Variants in SNX2 observed in about 807,000 individuals in gnomAD.
SNX2 encodes the protein sorting nexin-2.
A neutral mutation model predicts 69.9 loss-of-function variants in SNX2; 25 were observed. That is an observed-to-expected ratio of 0.36 (90% CI 0.26 to 0.50). The LOEUF (loss-of-function observed/expected upper bound fraction) is 0.50, where lower values mean the gene tolerates loss of function less well. SNX2 is among the 20% of genes least tolerant of loss of function. SNX2 has a pLI of 0.97. For missense variants in SNX2, 551 were observed against 613.3 expected (o/e 0.90, Z 1.07); for synonymous variants, 229 against 200.4 (o/e 1.14, Z -1.20).
At chr5:122,778,298 C>T (rs1752898105) in intron 1 of SNX2, among the ~76,000 whole-genome samples, 3 of 152,258 alleles carry the variant, frequency 2.0e-5, no homozygotes, top group East Asian at 1.9e-4. Context: ...GCACAGATAT[C>T]GCCAACATAT....
At chr5:122,810,151 A>G (rs1410979971) in intron 7 of SNX2, among the ~76,000 whole-genome samples, 5 of 150,688 alleles carry the variant, frequency 3.3e-5, no homozygotes, top group Non-Finnish European at 4.4e-5. Flanking sequence ...TCAGGGTTAA[A>G]TGGATTAAGG....
upstream of SNX2, chr5:122,775,030 C>T: frequency 7.2e-7 from 1 of 1,392,172 alleles, no homozygotes; most frequent in Non-Finnish European, 9.5e-7. Flanking sequence ...GGCGGGTCGG[C>T]GCGGGCCCAG....
At chr5:122,800,857 A>G (rs1753490579) in intron 3 of SNX2, among the ~76,000 whole-genome samples, 4 of 152,174 alleles carry the variant, frequency 2.6e-5, no homozygotes, top group Admixed American at 2.0e-4. Context: ...AAGTTGAATA[A>G]TCTCTGAACT....
chr5:122,799,647 TTTGC>T, intron 2 of SNX2, 41 bp from the exon 3 acceptor site: 1 of 1,468,624 alleles, frequency 6.8e-7, no homozygotes. Flanking sequence ...ATATTGGGGG[TTTGC>T]TTGCCAGTGT....
In SNX2 at chr5:122,803,579, T is replaced by C. The variant is rs1185180434; in HGVS notation, c.609T>C (p.Tyr203=). 1.9e-6 allele frequency: 3 copies of C among 1,611,186 alleles called. No homozygotes were observed. The highest frequency in any genetic ancestry group is 1.3e-5 in the African/African-American group (1 of 74,838). ...KLASKYLHVG[Y]IVPPAPEKSI... ...CAAGCAAATATTTACATGTTGGTTA[T>C]ATTGTGCCACCAGCTCCAGAAAAGA... is the stretch of plus-strand genomic sequence containing the variant. Residue 203 remains tyrosine, a synonymous_variant, in exon 6 of 15, where the codon TAT becomes TAC. Transcript: ENST00000379516.
intron 11 of SNX2, among the ~76,000 whole-genome samples, chr5:122,821,697 C>G (rs139113845): frequency 6.6e-6 from 1 of 152,100 alleles, no homozygotes; most frequent in Non-Finnish European, 1.5e-5. Context: ...CCTCATGATC[C>G]GCCTGCCTCA....
chr5:122,809,166 A>G (rs1298339754), intron 7 of SNX2, among the ~76,000 whole-genome samples: 1 of 152,164 alleles, frequency 6.6e-6, no homozygotes, highest in Non-Finnish European at 1.5e-5. Flanking sequence ...TATTTCCATT[A>G]TATTAGGTAT....
intron 6 of SNX2, among the ~76,000 whole-genome samples, chr5:122,806,813 T>G (rs73797084): frequency 6.6e-6 from 1 of 152,264 alleles, no homozygotes; most frequent in African/African-American, 2.4e-5. Flanking sequence ...GTGTCTTATT[T>G]TCCTTTTGAA....
chr5:122,808,904 C>A (rs910411164), intron 7 of SNX2, among the ~76,000 whole-genome samples: 2 of 151,992 alleles, frequency 1.3e-5, no homozygotes, highest in African/African-American at 4.8e-5. Flanking sequence ...TTATTAAATA[C>A]AGTGAGAAGT....
chr5:122,789,359 C>T (rs1198558666), intron 1 of SNX2, among the ~76,000 whole-genome samples: 1 of 151,886 alleles, frequency 6.6e-6, no homozygotes, highest in Non-Finnish European at 1.5e-5. Flanking sequence ...TTAGGGGATC[C>T]CCTTCTCCAG....
chr5:122,802,859 T>A (rs1446640816), intron 5 of SNX2, among the ~76,000 whole-genome samples: 1 of 152,116 alleles, frequency 6.6e-6, no homozygotes, highest in African/African-American at 2.4e-5. Context: ...GACTTGGATG[T>A]AATGGGTGAG....
intron 1 of SNX2, among the ~76,000 whole-genome samples, 153 bp from the exon 2 acceptor site, chr5:122,795,113 C>T (rs998189557): frequency 1.3e-5 from 2 of 152,102 alleles, no homozygotes; most frequent in African/African-American, 2.4e-5. Context: ...GTTATTAGTT[C>T]ATTCTTACTC....
In SNX2 at chr5:122,829,808, A is replaced by ACACT; in HGVS notation, c.*162_*165dup. ...CACACACACACACACACACACACAC[A>ACACT]CACTCTGACATTTTATTACAAGCTG... On this transcript the variant is annotated 3_prime_UTR_variant, in exon 15 of 15. Transcript: ENST00000379516. 1 of 534,680 alleles carries ACACT rather than the reference A, an allele frequency of 1.9e-6. No homozygotes were observed. 33.1% of individuals were successfully genotyped at this position (534,680 alleles called of 1,614,324 possible). A position where few individuals can be genotyped will look rare whatever the true frequency, so the allele number is the denominator to read the frequency against.
rs539553591 is a variant in SNX2, at chr5:122,831,652, C to T, written c.*2004C>T. Among the ~76,000 whole-genome samples the T allele has an allele frequency of 3.9e-5, 6 of 152,178 alleles. No individual in the cohort carries two copies. In the East Asian group the frequency reaches 1.2e-3, roughly 29 times the overall value. The stretch of plus-strand genomic sequence containing the variant: ...TATATCAGATGCTATCTTGTTGCTC[C>T]ATTAATATTGAGCAAAAGATAGGCT... On this transcript the variant is annotated 3_prime_UTR_variant, in exon 15 of 15. Transcript: ENST00000379516.
At chr5:122,809,266 A>G (rs1753717343) in intron 7 of SNX2, among the ~76,000 whole-genome samples, 1 of 152,126 alleles carries the variant, frequency 6.6e-6, no homozygotes, top group South Asian at 2.1e-4. Context: ...GGATTTGAAC[A>G]TTTGCAGATT....
At chr5:122,793,835 C>T (rs1753305881) in intron 1 of SNX2, among the ~76,000 whole-genome samples, 1 of 151,568 alleles carries the variant, frequency 6.6e-6, no homozygotes, top group Non-Finnish European at 1.5e-5. Context: ...ATCGCTTGAA[C>T]CCGGGAAGCA....
chr5:122,792,606 A>G (rs1753269693), intron 1 of SNX2, among the ~76,000 whole-genome samples: 1 of 152,112 alleles, frequency 6.6e-6, no homozygotes, highest in Non-Finnish European at 1.5e-5. Flanking sequence ...TCAAAAAAAA[A>G]AAAAAAATTG....
chr5:122,780,571 C>CT (rs761877253), intron 1 of SNX2, among the ~76,000 whole-genome samples: 1,565 of 133,266 alleles, frequency 0.012, 28 homozygotes, highest in South Asian at 0.022. Context: ...CTTTTCTTTT[C>CT]TTTTCTTTTT....
intron 3 of SNX2, 87 bp from the exon 4 acceptor site, chr5:122,801,782 T>C: frequency 1.2e-6 from 1 of 841,870 alleles, no homozygotes; most frequent in Non-Finnish European, 1.9e-6. Flanking sequence ...ACAGTGACTC[T>C]TACAGAAAAT....
Sources: gnomAD v4.1 joint callset for allele counts (sites outside exome capture counted in the v4.1 genomes callset) on GRCh38, gnomAD v4.1.1 for gene constraint, MANE v1.5 for transcripts, NCBI Gene and HGNC (gene_info 2026-07-23, HGNC 2026-07-21) for gene names.